Variants in KIAA1328 observed in about 807,000 individuals in gnomAD.
KIAA1328 encodes protein hinderin.
In KIAA1328, 52 loss-of-function variants were observed where a neutral mutation model predicts 68.1. The observed-to-expected ratio is 0.76, with a 90% CI of 0.61 to 0.96. The LOEUF (loss-of-function observed/expected upper bound fraction) is 0.96, where lower values mean the gene tolerates loss of function less well. Ranked by LOEUF, KIAA1328 falls within the 40% of genes least tolerant of loss-of-function variation. KIAA1328 has a pLI of 0.00. For missense variants in KIAA1328, 641 were observed against 677.6 expected (o/e 0.95, Z 0.60); for synonymous variants, 232 against 239.4 (o/e 0.97, Z 0.28).
intron 5 of KIAA1328, among the ~76,000 whole-genome samples, chr18:36,937,172 A>G (rs770517516): frequency 8.5e-5 from 13 of 152,196 alleles, no homozygotes; most frequent in Admixed American, 1.3e-4. Context: ...GAAAACTGAA[A>G]CTGGACCCCT....
rs929296879 is a variant in KIAA1328 at position 37,185,035 on chromosome 18, G to A, written c.1523+11954G>A. Among the ~76,000 whole-genome samples the A allele has an allele frequency of 2.2e-4, 33 of 152,114 alleles. 1 individual carries two copies. Among genetic ancestry groups the A allele is most frequent in the African/African-American group, 7.5e-4 (31 of 41,498 alleles). ...AAAAAAATTAGCTGGGCGTGGTGGCGGGTACCTGTAGTCTCAGCTACTTGG... is the reference window on the plus strand; with the variant it reads ...AAAAAAATTAGCTGGGCGTGGTGGCAGGTACCTGTAGTCTCAGCTACTTGG... On this transcript the variant is annotated intron_variant, in intron 9 of 9. Transcript: ENST00000280020.
downstream of KIAA1328, among the ~76,000 whole-genome samples, chr18:37,225,637 C>T (rs1302721509): frequency 6.6e-6 from 1 of 152,224 alleles, no homozygotes; most frequent in East Asian, 1.9e-4. Context: ...TGCCTACCCC[C>T]ATAGCTGCTC....
intron 7 of KIAA1328, among the ~76,000 whole-genome samples, chr18:37,142,476 G>A (rs1366218030): frequency 1.3e-5 from 2 of 152,064 alleles, no homozygotes; most frequent in Non-Finnish European, 2.9e-5. Flanking sequence ...GATTACAGGC[G>A]TGAGCTACCG....
chr18:37,184,146 G>A (rs2059749290), intron 9 of KIAA1328, among the ~76,000 whole-genome samples: 1 of 152,174 alleles, frequency 6.6e-6, no homozygotes. Flanking sequence ...TGACATTCCA[G>A]TAGACATCTA....
At chr18:36,979,214 AAGG>A (rs1568245222) in intron 6 of KIAA1328, among the ~76,000 whole-genome samples, 1 of 139,078 alleles carries the variant, frequency 7.2e-6, no homozygotes, top group Non-Finnish European at 1.6e-5. Flanking sequence ...AAAAAGAAAG[AAGG>A]TTATATGAAT....
At chr18:37,231,477 G>A (rs1370402733), downstream of KIAA1328, 6 of 152,338 alleles carry the variant, frequency 3.9e-5, no homozygotes, top group Non-Finnish European at 8.8e-5. Flanking sequence ...AGGGTGTCCA[G>A]TGGAGCCAGA....
chr18:37,046,050 T>C (rs2151642566), intron 6 of KIAA1328, among the ~76,000 whole-genome samples: 1 of 152,314 alleles, frequency 6.6e-6, no homozygotes, highest in East Asian at 1.9e-4. Flanking sequence ...TTGAAACAGG[T>C]CCACCTTTTC....
intron 7 of KIAA1328, among the ~76,000 whole-genome samples, chr18:37,150,421 G>T (rs1206299515): frequency 6.6e-6 from 1 of 152,026 alleles, no homozygotes; most frequent in Non-Finnish European, 1.5e-5. Flanking sequence ...GCAACATTCT[G>T]TCCTCCTACC....
At chr18:36,955,595 A>ACCGC (rs1250201142) in intron 5 of KIAA1328, among the ~76,000 whole-genome samples, 1 of 152,016 alleles carries the variant, frequency 6.6e-6, no homozygotes, top group African/African-American at 2.4e-5. Context: ...GGCGTGAGCC[A>ACCGC]CCGCACCTGG....
chr18:36,994,102 T>C (rs1166470684), intron 6 of KIAA1328, among the ~76,000 whole-genome samples: 1 of 152,076 alleles, frequency 6.6e-6, no homozygotes, highest in East Asian at 1.9e-4. Context: ...TCAAGAAAAT[T>C]TATACCCTGT....
intron 7 of KIAA1328, among the ~76,000 whole-genome samples, chr18:37,089,410 T>A (rs950680145): frequency 6.8e-6 from 1 of 147,396 alleles, no homozygotes; most frequent in Non-Finnish European, 1.5e-5. Context: ...AGTCTCATTC[T>A]GTCACCCGGG....
intron 9 of KIAA1328, chr18:37,193,506 T>G: frequency 4.5e-6 from 3 of 663,102 alleles, no homozygotes; most frequent in Non-Finnish European, 8.2e-6. Flanking sequence ...GGAAAAACTT[T>G]TACAGTTTCA....
rs369833692 is a variant in KIAA1328, at chr18:37,210,953, A to ACACTTTCT, written c.1524-11063_1524-11056dup. On this transcript the variant is annotated intron_variant, in intron 9 of 9. Transcript: ENST00000280020. ...CTGAAATCTGAGCCCTGCTTACCAC[A>ACACTTTCT]CACTTTCTGATTCTTCTGCCACAGT... Among the ~76,000 whole-genome samples, 155 of 152,248 alleles carry ACACTTTCT rather than the reference A, an allele frequency of 1.0e-3. 2 individuals are homozygous for ACACTTTCT. Among genetic ancestry groups the ACACTTTCT allele is most frequent in the African/African-American group, 3.7e-3 (153 of 41,548 alleles).
At chr18:36,934,252 C>T (rs1490920996) in intron 5 of KIAA1328, among the ~76,000 whole-genome samples, 3 of 152,160 alleles carry the variant, frequency 2.0e-5, no homozygotes, top group Admixed American at 6.5e-5. Flanking sequence ...TGATGTTTTC[C>T]TCTCTGGAAA....
At chr18:37,177,455 C>T (rs1269573011) in intron 9 of KIAA1328, among the ~76,000 whole-genome samples, 4 of 152,108 alleles carry the variant, frequency 2.6e-5, no homozygotes, top group Admixed American at 6.5e-5. Context: ...ATGACTTCTA[C>T]AAACAGTTAC....
intron 1 of KIAA1328, 83 bp downstream of exon 1, chr18:36,829,279 CGGA>C (rs1568044463): frequency 5.6e-6 from 8 of 1,440,684 alleles, no homozygotes; most frequent in East Asian, 2.9e-5. Flanking sequence ...AGTCCGAGAG[CGGA>C]GGAGAAGCTC....
intron 6 of KIAA1328, among the ~76,000 whole-genome samples, chr18:37,027,755 C>T (rs1283939331): frequency 1.3e-5 from 2 of 151,814 alleles, no homozygotes; most frequent in African/African-American, 2.4e-5. Flanking sequence ...GACCTAAAAC[C>T]ATAAAAACCC....
chr18:36,962,295 A>G (rs1322553204), intron 6 of KIAA1328, among the ~76,000 whole-genome samples: 1 of 152,238 alleles, frequency 6.6e-6, no homozygotes, highest in Non-Finnish European at 1.5e-5. Context: ...TATGTATCCA[A>G]TACAGAAGCA....
chr18:37,117,830 A>G (rs1381680489), intron 7 of KIAA1328, among the ~76,000 whole-genome samples: 1 of 151,578 alleles, frequency 6.6e-6, no homozygotes, highest in Non-Finnish European at 1.5e-5. Flanking sequence ...ATCTCACGTT[A>G]GATGATAGAG....
Sources: allele counts gnomAD v4.1 joint callset (sites outside exome capture counted in the v4.1 genomes callset), GRCh38; gene constraint gnomAD v4.1.1; transcripts MANE v1.5; gene names NCBI Gene and HGNC (gene_info 2026-07-23, HGNC 2026-07-21).